ZFPM1: variants seen among roughly 807,000 people sequenced by gnomAD.
ZFPM1 encodes zinc finger protein, FOG family member 1.
A neutral mutation model predicts 46.3 loss-of-function variants in ZFPM1; 28 were observed. That is an observed-to-expected ratio of 0.60 (90% CI 0.45 to 0.83). The LOEUF is 0.83. ZFPM1 is among the 40% of genes least tolerant of loss of function. The probability of loss-of-function intolerance (pLI) is 0.00; values close to 1 mark genes in which losing one functional copy is unlikely to be tolerated. For synonymous variants in ZFPM1, 957 were observed against 675.9 expected, an observed-to-expected ratio of 1.42 and a Z score of -6.45; for missense variants, 1,878 against 1,432.4, an observed-to-expected ratio of 1.31 and a Z score of -5.02.
chr16:88,493,183 AGAGCTGTCCCAGGGTGCGGG>A (rs1909700403), intron 3 of ZFPM1, among the ~76,000 whole-genome samples: 3 of 91,166 alleles, frequency 3.3e-5, no homozygotes, highest in African/African-American at 7.3e-5. Flanking sequence ...CGGAGTGAGG[AGAGCTGTCCCAGGGTGCGGG>A]GAGCTGTCCC....
intron 7 of ZFPM1, 21 bp from the exon 8 acceptor site, chr16:88,532,593 C>T (rs1236553357): frequency 1.3e-6 from 2 of 1,551,694 alleles, no homozygotes; most frequent in Admixed American, 3.9e-5. Context: ...GGGCACCGCT[C>T]TTACGCGCCC....
At chr16:88,520,062 T>C (rs531896973) in intron 4 of ZFPM1, among the ~76,000 whole-genome samples, 1 of 150,402 alleles carries the variant, frequency 6.6e-6, no homozygotes, top group South Asian at 2.1e-4. Flanking sequence ...CATGAATACA[T>C]GTATGGGTGG....
chr16:88,522,976 C>T (rs1038180076), intron 4 of ZFPM1, among the ~76,000 whole-genome samples: 42 of 152,146 alleles, frequency 2.8e-4, no homozygotes, highest in African/African-American at 9.2e-4. Flanking sequence ...GAGGCCAAGG[C>T]GGGCAGATCA....
rs1274765685 is a variant in ZFPM1 at position 88,536,022 on chromosome 16, C to G, written c.*1043C>G. Reference sequence around the variant, plus strand: ...CCCAGGCTGGAGTCCCTGGGATACTCACGGCTCATTGCAGCCTTGACCTCG... The same window carrying G: ...CCCAGGCTGGAGTCCCTGGGATACTGACGGCTCATTGCAGCCTTGACCTCG... On this transcript the variant is annotated 3_prime_UTR_variant, in exon 10 of 10. Transcript: ENST00000319555. 1 of 152,100 alleles carries G rather than the reference C, an allele frequency of 6.6e-6. No homozygotes were observed. The highest frequency in any genetic ancestry group is 1.5e-5 in the Non-Finnish European group (1 of 67,998). The allele number at this position is 152,100 out of a possible 1,614,324, so 9.4% of individuals were successfully genotyped here.
In ZFPM1 at chr16:88,533,393, G is replaced by A; in HGVS notation, c.1435G>A (p.Gly479Arg). The change falls in exon 10 of 10, where the codon GGA becomes AGA. Residue 479 changes from glycine (G) to arginine (R), a missense_variant. Transcript: ENST00000319555. ...GGAGGCGGCCCCCATCCTGGGCCCC[G>A]GAGAGCCTGGGCCCCAGGCCCCGTC... ...EPEAAPILGPGEPGPQAPSRT... is the reference protein window; with the variant it reads ...EPEAAPILGPREPGPQAPSRT... 17 of 1,519,610 alleles carry A rather than the reference G, an allele frequency of 1.1e-5. No individual in the cohort carries two copies. Among genetic ancestry groups the A allele is most frequent in the East Asian group, 2.6e-5 (1 of 38,868 alleles). The allele number at this position is 1,519,610 out of a possible 1,614,324, so 94.1% of individuals were successfully genotyped here. A position where few individuals can be genotyped will look rare whatever the true frequency, so the allele number is the denominator to read the frequency against.
chr16:88,507,740 A>C (rs548603062), intron 3 of ZFPM1, among the ~76,000 whole-genome samples: 14 of 152,164 alleles, frequency 9.2e-5, no homozygotes, highest in African/African-American at 3.1e-4. Context: ...CCCCCTGCAG[A>C]GAGCCAGCTG....
intron 3 of ZFPM1, among the ~76,000 whole-genome samples, chr16:88,501,802 G>A (rs936486809): frequency 2.6e-5 from 4 of 152,172 alleles, no homozygotes; most frequent in African/African-American, 7.2e-5. Context: ...GGGCCCTGCC[G>A]CTGGTGCTGG....
intron 1 of ZFPM1, among the ~76,000 whole-genome samples, chr16:88,479,203 C>T (rs1302465703): frequency 2.0e-5 from 3 of 152,162 alleles, no homozygotes; most frequent in African/African-American, 4.8e-5. Context: ...GGGCTCCCCA[C>T]GCAGGTGGTG....
rs1597292603 is a variant in ZFPM1, at chr16:88,534,124, A to T, written c.2166A>T (p.Gly722=). The change falls in exon 10 of 10, where the codon GGA becomes GGT. Residue 722 remains glycine (G), a synonymous_variant. Coordinates refer to ENST00000319555, the MANE Select transcript of ZFPM1 (RefSeq NM_153813.3). ...PPPRRPAAPP[G]PPGPAAPPAP... The stretch of plus-strand genomic sequence containing the variant: ...CGCGCCGACCGGCCGCGCCCCCGGG[A>T]CCCCCTGGGCCGGCCGCGCCCCCGG... The T allele has an allele frequency of 9.2e-7, 1 of 1,088,678 alleles. No homozygotes were observed. Among genetic ancestry groups the T allele is most frequent in the Non-Finnish European group, 1.1e-6 (1 of 882,254 alleles). 67.4% of individuals were successfully genotyped at this position (1,088,678 alleles called of 1,614,324 possible). A position where few individuals can be genotyped will look rare whatever the true frequency, so the allele number is the denominator to read the frequency against.
chr16:88,508,958 C>T (rs1448512971), intron 3 of ZFPM1, among the ~76,000 whole-genome samples: 3 of 152,222 alleles, frequency 2.0e-5, no homozygotes, highest in Non-Finnish European at 4.4e-5. Context: ...GCACGCGGCG[C>T]GTCATCGTGG....
At chr16:88,492,745 C>T (rs558449031) in intron 3 of ZFPM1, among the ~76,000 whole-genome samples, 2 of 152,344 alleles carry the variant, frequency 1.3e-5, no homozygotes, top group East Asian at 1.9e-4. Context: ...CACCATGGGT[C>T]CAGCCAGGCT....
intron 1 of ZFPM1, among the ~76,000 whole-genome samples, chr16:88,477,011 C>T (rs574006753): frequency 2.0e-5 from 3 of 152,380 alleles, no homozygotes; most frequent in East Asian, 1.9e-4. Flanking sequence ...GCCCGTGCGC[C>T]GGGTCCCTTC....
At chr16:88,502,065 C>CATTCATTTATTTATTT (rs1555525783) in intron 3 of ZFPM1, among the ~76,000 whole-genome samples, 2 of 72,940 alleles carry the variant, frequency 2.7e-5, no homozygotes, top group African/African-American at 1.0e-4. Context: ...CGCCCCCCCC[C>CATTCATTTATTTATTT]ATTTATTTAT....
At chr16:88,463,720 G>A (rs1253386090) in intron 1 of ZFPM1, among the ~76,000 whole-genome samples, 1 of 152,262 alleles carries the variant, frequency 6.6e-6, no homozygotes, top group Non-Finnish European at 1.5e-5. Context: ...GGCAGCAGTG[G>A]TGGTTTTCAT....
rs186677935 is a variant in ZFPM1, at chr16:88,527,769, C to T, written c.506-263C>T. Among the ~76,000 whole-genome samples, 109 of 151,932 alleles carry T rather than the reference C, an allele frequency of 7.2e-4. No homozygotes were observed. The East Asian group carries it at 0.019, about 27-fold the overall frequency. ...TAGTTACTCCACCACCCGCCCTCCACGTCATCCCTTTCCTGGGAGACTTCC... is the reference window on the plus strand; with the variant it reads ...TAGTTACTCCACCACCCGCCCTCCATGTCATCCCTTTCCTGGGAGACTTCC... On this transcript the variant is annotated intron_variant, in intron 5 of 9. Coordinates refer to ENST00000319555, the MANE Select transcript of ZFPM1 (RefSeq NM_153813.3).
At chr16:88,467,914 G>C (rs1332258389) in intron 1 of ZFPM1, among the ~76,000 whole-genome samples, 1 of 152,102 alleles carries the variant, frequency 6.6e-6, no homozygotes, top group Non-Finnish European at 1.5e-5. Flanking sequence ...CTGCTTGCTC[G>C]AGCTGAGCGG....
At chr16:88,463,751 C>T (rs570438023) in intron 1 of ZFPM1, among the ~76,000 whole-genome samples, 1 of 152,326 alleles carries the variant, frequency 6.6e-6, no homozygotes, top group East Asian at 1.9e-4. Flanking sequence ...TCCCTGCTCC[C>T]GCTGGGCCAG....
At chr16:88,528,681 G>A (rs1408739746) in intron 6 of ZFPM1, among the ~76,000 whole-genome samples, 1 of 152,244 alleles carries the variant, frequency 6.6e-6, no homozygotes, top group African/African-American at 2.4e-5. Context: ...GGCCCACTAG[G>A]TGCTGCCACC....
chr16:88,534,694 C>T lies in ZFPM1; in HGVS notation c.2736C>T (p.Pro912=). 1.0e-6 allele frequency: 1 copy of T among 986,046 alleles called. No individual in the cohort carries two copies. Among genetic ancestry groups the T allele is most frequent in the Non-Finnish European group, 1.2e-6 (1 of 831,736 alleles). 61.1% of individuals were successfully genotyped at this position (986,046 alleles called of 1,614,324 possible). Reference sequence around the variant, plus strand: ...CCGCCCCCGCCGCCTCCCCGCAGCCCGGGTCCCGTGGCCCCCGGGACGGCC... The same window carrying T: ...CCGCCCCCGCCGCCTCCCCGCAGCCTGGGTCCCGTGGCCCCCGGGACGGCC... ...PAPAPAASPQ[P]GSRGPRDGLG... Residue 912 remains proline (P), a synonymous_variant, in exon 10 of 10, where the codon CCC becomes CCT. Transcript: ENST00000319555.
Sources: allele counts gnomAD v4.1 joint callset (sites outside exome capture counted in the v4.1 genomes callset), GRCh38; gene constraint gnomAD v4.1.1; transcripts MANE v1.5; gene names NCBI Gene and HGNC (gene_info 2026-07-23, HGNC 2026-07-21).